The following SUGCT variants were observed in gnomAD, a reference collection of about 807,000 sequenced individuals.
SUGCT encodes the protein succinyl-CoA:glutarate CoA-transferase.
Under a neutral mutation model 55.0 loss-of-function variants are expected in SUGCT, and 41 were observed. The ratio of observed to expected loss-of-function variants is 0.74; its 90% CI spans 0.58 to 0.97. The LOEUF is 0.97. Ranked by LOEUF, SUGCT falls within the 50% of genes least tolerant of loss-of-function variation. The pLI is 0.00. For missense variants in SUGCT, 568 were observed against 547.8 expected, an observed-to-expected ratio of 1.04 and a Z score of -0.37; for synonymous variants, 187 against 200.4, an observed-to-expected ratio of 0.93 and a Z score of 0.56.
At chr7:40,291,948 C>G (rs1423445777) in intron 8 of SUGCT, among the ~76,000 whole-genome samples, 1 of 152,166 alleles carries the variant, frequency 6.6e-6, no homozygotes, top group South Asian at 2.1e-4. Context: ...AAGGAACCAG[C>G]TTTGTCGACA....
intron 6 of SUGCT, among the ~76,000 whole-genome samples, chr7:40,197,828 T>C (rs1251957048): frequency 6.6e-5 from 10 of 152,186 alleles, no homozygotes; most frequent in Non-Finnish European, 2.9e-5. Flanking sequence ...TTTTATCACA[T>C]CATCGAGTCA....
At chr7:40,719,782 G>GCC (rs1786221557) in intron 12 of SUGCT, among the ~76,000 whole-genome samples, 2 of 152,112 alleles carry the variant, frequency 1.3e-5, no homozygotes, top group South Asian at 2.1e-4. Context: ...CACTTAGTAG[G>GCC]CAGAGCACAC....
chr7:40,548,191 T>C (rs373786399), intron 12 of SUGCT, among the ~76,000 whole-genome samples: 7 of 147,078 alleles, frequency 4.8e-5, no homozygotes, highest in African/African-American at 9.9e-5. Flanking sequence ...TCTTTCTTTT[T>C]TTTTTTTTTT....
chr7:40,145,603 T>G (rs1788204704), intron 1 of SUGCT, among the ~76,000 whole-genome samples: 1 of 152,228 alleles, frequency 6.6e-6, no homozygotes, highest in Non-Finnish European at 1.5e-5. Flanking sequence ...AGATTAGAAG[T>G]TAGGATAATA....
intron 12 of SUGCT, among the ~76,000 whole-genome samples, chr7:40,690,854 G>A (rs1784665349): frequency 6.6e-6 from 1 of 152,126 alleles, no homozygotes. Context: ...CTGAGATATA[G>A]GCAGGAGCCA....
intron 9 of SUGCT, among the ~76,000 whole-genome samples, chr7:40,349,727 C>A (rs1434586368): frequency 6.6e-6 from 1 of 152,202 alleles, no homozygotes; most frequent in African/African-American, 2.4e-5. Flanking sequence ...GGCTGTAGTG[C>A]AGTGGCACGA....
chr7:40,908,528 A>C, the SUGCT span, among the ~76,000 whole-genome samples: 4 of 152,174 alleles, frequency 2.6e-5, no homozygotes, highest in Admixed American at 6.5e-5. Flanking sequence ...AAAAAGTATG[A>C]GGAAAGAAAG....
chr7:40,441,243 C>A (rs201988922), intron 9 of SUGCT, among the ~76,000 whole-genome samples: 3 of 152,034 alleles, frequency 2.0e-5, no homozygotes, highest in African/African-American at 7.2e-5. Flanking sequence ...AAAACTGAGG[C>A]TCTTAAATTA....
chr7:40,898,631 G>C, the SUGCT span, among the ~76,000 whole-genome samples: 1 of 152,062 alleles, frequency 6.6e-6, no homozygotes, highest in South Asian at 2.1e-4. Context: ...AGCTGAGGTA[G>C]GAGAATGGCG....
chr7:40,760,024 T>C (rs1788455794), intron 13 of SUGCT, among the ~76,000 whole-genome samples: 2 of 152,156 alleles, frequency 1.3e-5, no homozygotes, highest in African/African-American at 4.8e-5. Context: ...TTAACAGAAA[T>C]GCTGTTTGGA....
the SUGCT span, among the ~76,000 whole-genome samples, chr7:40,991,025 GACTA>G: frequency 6.6e-6 from 1 of 152,166 alleles, no homozygotes; most frequent in Non-Finnish European, 1.5e-5. Context: ...TTCACAACTT[GACTA>G]ACTACTTGGC....
At chr7:40,550,175 C>T (rs1795228063) in intron 12 of SUGCT, among the ~76,000 whole-genome samples, 2 of 152,178 alleles carry the variant, frequency 1.3e-5, no homozygotes, top group Non-Finnish European at 2.9e-5. Context: ...GCTGGTGGCT[C>T]TACTACCCGA....
At chr7:40,999,082 A>C in the SUGCT span, among the ~76,000 whole-genome samples, 1 of 152,220 alleles carries the variant, frequency 6.6e-6, no homozygotes, top group African/African-American at 2.4e-5. Flanking sequence ...CTGTACTGTG[A>C]GCTGCCGAAG....
intron 9 of SUGCT, among the ~76,000 whole-genome samples, chr7:40,359,454 C>T (rs1280897775): frequency 3.3e-5 from 5 of 152,190 alleles, no homozygotes; most frequent in African/African-American, 1.2e-4. Flanking sequence ...ATCTGCCCAT[C>T]TTGGCCTCCC....
chr7:40,204,111 C>T (rs1786793260), intron 6 of SUGCT, among the ~76,000 whole-genome samples: 1 of 151,788 alleles, frequency 6.6e-6, no homozygotes, highest in Admixed American at 6.6e-5. Context: ...GCTTCAGCCT[C>T]CCGTGTAGCT....
At chr7:40,836,244 G>T (rs1307111711) in intron 13 of SUGCT, among the ~76,000 whole-genome samples, 1 of 152,072 alleles carries the variant, frequency 6.6e-6, no homozygotes, top group East Asian at 1.9e-4. Context: ...AAAATGAAAA[G>T]CATTAATCAG....
chr7:40,366,326 G>A (rs1018713324), intron 9 of SUGCT, among the ~76,000 whole-genome samples: 9 of 152,128 alleles, frequency 5.9e-5, no homozygotes, highest in Admixed American at 5.2e-4. Context: ...AGAAAACCTA[G>A]GCATTACCAT....
intron 12 of SUGCT, among the ~76,000 whole-genome samples, chr7:40,519,037 C>T (rs1793393090): frequency 6.6e-6 from 1 of 152,066 alleles, no homozygotes; most frequent in Non-Finnish European, 1.5e-5. Context: ...AAATAAGACA[C>T]CAATATCATG....
At chr7:40,267,750 C>T (rs1791697434) in intron 7 of SUGCT, among the ~76,000 whole-genome samples, 2 of 152,134 alleles carry the variant, frequency 1.3e-5, no homozygotes, top group African/African-American at 4.8e-5. Flanking sequence ...GTGTCGTTCT[C>T]TGTGGGAATT....
Sources: allele counts gnomAD v4.1 joint callset (sites outside exome capture counted in the v4.1 genomes callset), GRCh38; gene constraint gnomAD v4.1.1; transcripts MANE v1.5; gene names NCBI Gene and HGNC (gene_info 2026-07-23, HGNC 2026-07-21).